CNTNAP2: variants seen among roughly 807,000 people sequenced by gnomAD.
The protein encoded by CNTNAP2 is contactin-associated protein-like 2.
Under a neutral mutation model 155.2 loss-of-function variants are expected in CNTNAP2, and 98 were observed. The ratio of observed to expected loss-of-function variants is 0.63; its 90% confidence interval spans 0.54 to 0.75. The LOEUF (loss-of-function observed/expected upper bound fraction) is 0.75. Among genes scored for constraint, CNTNAP2 ranks in the 30% least tolerant of loss-of-function variants. The pLI is 0.00. For synonymous variants in CNTNAP2, 651 were observed against 631.2 expected (o/e 1.03, Z -0.47); for missense variants, 1,727 against 1,688.1 (o/e 1.02, Z -0.40).
At chr7:147,670,094 T>TC (rs1333357145) in intron 13 of CNTNAP2, among the ~76,000 whole-genome samples, 6 of 152,308 alleles carry the variant, frequency 3.9e-5, no homozygotes, top group African/African-American at 1.4e-4. Flanking sequence ...AAAGTGAAAA[T>TC]GTCAATGTGT....
chr7:147,751,071 TA>T (rs1412811598), intron 13 of CNTNAP2, among the ~76,000 whole-genome samples: 2 of 150,178 alleles, frequency 1.3e-5, no homozygotes, highest in South Asian at 2.1e-4. Flanking sequence ...TAATAATAAA[TA>T]AAATAAATTA....
intron 1 of CNTNAP2, among the ~76,000 whole-genome samples, chr7:146,609,073 C>T (rs561517546): frequency 6.6e-6 from 1 of 152,116 alleles, no homozygotes; most frequent in Non-Finnish European, 1.5e-5. Context: ...TGGCATTTGT[C>T]AGTCCATTTT....
At chr7:146,164,868 C>G (rs1798288543) in intron 1 of CNTNAP2, among the ~76,000 whole-genome samples, 2 of 152,078 alleles carry the variant, frequency 1.3e-5, no homozygotes, top group Non-Finnish European at 2.9e-5. Flanking sequence ...GCTTATATTC[C>G]TAATCTTTCA....
rs1274784357 is a variant in CNTNAP2 at position 146,658,322 on chromosome 7, G to GT, written c.98-115947dup. Among the ~76,000 whole-genome samples, 21 of 151,566 alleles carry GT rather than the reference G, an allele frequency of 1.4e-4. No homozygotes were observed. In the East Asian group the frequency reaches 4.1e-3, roughly 29 times the overall value. On this transcript the variant is annotated intron_variant, in intron 1 of 23. Transcript: ENST00000361727. ...TTGAGAGTGTGGAATTCTGAGCTAA[G>GT]TTATAGTGCTGGTGTTTGAACGGAG...
intron 1 of CNTNAP2, among the ~76,000 whole-genome samples, chr7:146,153,473 A>G (rs1430719439): frequency 1.3e-5 from 2 of 152,166 alleles, no homozygotes; most frequent in Non-Finnish European, 2.9e-5. Flanking sequence ...AAAGGTGGAA[A>G]ATCTTTTGCA....
chr7:146,577,121 T>G (rs1798537245), intron 1 of CNTNAP2, among the ~76,000 whole-genome samples: 1 of 152,160 alleles, frequency 6.6e-6, no homozygotes, highest in Admixed American at 6.5e-5. Context: ...TTACATTATT[T>G]TTATTTAATA....
chr7:147,891,613 C>A (rs1045250317), intron 13 of CNTNAP2, among the ~76,000 whole-genome samples: 3 of 152,024 alleles, frequency 2.0e-5, no homozygotes, highest in African/African-American at 4.8e-5. Flanking sequence ...GATATAAACA[C>A]AACTATTTCC....
chr7:147,385,328 C>T (rs565504314), intron 9 of CNTNAP2, among the ~76,000 whole-genome samples: 3 of 152,232 alleles, frequency 2.0e-5, no homozygotes, highest in African/African-American at 7.2e-5. Context: ...CCCAACAGTC[C>T]CCCAAAGTCT....
chr7:146,585,803 AGGAG>A (rs1175410420), intron 1 of CNTNAP2, among the ~76,000 whole-genome samples: 1 of 148,954 alleles, frequency 6.7e-6, no homozygotes, highest in African/African-American at 2.4e-5. Flanking sequence ...GAAGGAAGGA[AGGAG>A]GGAGGGAGGG....
intron 13 of CNTNAP2, among the ~76,000 whole-genome samples, chr7:147,825,550 GATAATAGT>G (rs1798433458): frequency 6.6e-6 from 1 of 152,166 alleles, no homozygotes; most frequent in African/African-American, 2.4e-5. Flanking sequence ...ACTGATGTAT[GATAATAGT>G]ATTCTCCAAT....
chr7:146,723,307 G>C (rs1319639964), intron 1 of CNTNAP2, among the ~76,000 whole-genome samples: 1 of 152,104 alleles, frequency 6.6e-6, no homozygotes, highest in Admixed American at 6.6e-5. Flanking sequence ...GGAAGGATCT[G>C]AGAGCTCATG....
At chr7:148,098,768 C>T (rs1804027248) in intron 15 of CNTNAP2, among the ~76,000 whole-genome samples, 1 of 152,134 alleles carries the variant, frequency 6.6e-6, no homozygotes, top group Non-Finnish European at 1.5e-5. Flanking sequence ...AGAGTAGGTT[C>T]TCAGTAAACA....
At chr7:146,159,354 A>G (rs1453313382) in intron 1 of CNTNAP2, among the ~76,000 whole-genome samples, 1 of 152,240 alleles carries the variant, frequency 6.6e-6, no homozygotes, top group Non-Finnish European at 1.5e-5. Context: ...ATAACCAGCT[A>G]ACATCATAAT....
intron 1 of CNTNAP2, among the ~76,000 whole-genome samples, chr7:146,529,574 T>C (rs909424099): frequency 6.6e-6 from 1 of 152,122 alleles, no homozygotes; most frequent in Non-Finnish European, 1.5e-5. Flanking sequence ...AGGCATGCCA[T>C]TTGTATTTAT....
intron 13 of CNTNAP2, among the ~76,000 whole-genome samples, chr7:147,660,375 T>C (rs1307906837): frequency 6.6e-6 from 1 of 152,190 alleles, no homozygotes; most frequent in East Asian, 1.9e-4. Context: ...TTCAGATTAC[T>C]CTTAGCCCAA....
intron 21 of CNTNAP2, among the ~76,000 whole-genome samples, chr7:148,337,620 G>A (rs1251912272): frequency 3.3e-5 from 5 of 152,306 alleles, no homozygotes; most frequent in South Asian, 2.1e-4. Flanking sequence ...CTCCACTTTA[G>A]AGCTTTGTTA....
chr7:148,102,388 G>C (rs941436299), intron 15 of CNTNAP2, among the ~76,000 whole-genome samples: 1 of 152,154 alleles, frequency 6.6e-6, no homozygotes, highest in African/African-American at 2.4e-5. Context: ...TGGACATTTA[G>C]GTTGATTCCA....
chr7:146,336,520 G>A (rs7792750), intron 1 of CNTNAP2, among the ~76,000 whole-genome samples: 18,669 of 150,776 alleles, frequency 0.12, 3,468 homozygotes, highest in African/African-American at 0.4. Flanking sequence ...ACATGATACC[G>A]AAAGCATAAT....
intron 11 of CNTNAP2, among the ~76,000 whole-genome samples, chr7:147,536,127 A>G (rs1160588400): frequency 6.6e-6 from 1 of 152,164 alleles, no homozygotes; most frequent in Admixed American, 6.5e-5. Context: ...TATTGCATCC[A>G]CAGAGTTTAC....
Sources: allele counts gnomAD v4.1 joint callset (sites outside exome capture counted in the v4.1 genomes callset), GRCh38; gene constraint gnomAD v4.1.1; transcripts MANE v1.5; gene names NCBI Gene and HGNC (gene_info 2026-07-23, HGNC 2026-07-21).